The following NTM variants were observed in gnomAD, a reference collection of about 807,000 sequenced individuals.
NTM encodes the protein neurotrimin, also known as IgLON family member 2.
In NTM, 13 loss-of-function variants were observed where a neutral mutation model predicts 42.1. The ratio of observed to expected loss-of-function variants is 0.31; its 90% confidence interval spans 0.20 to 0.49. The LOEUF is 0.49. Ranked by LOEUF, NTM falls within the 20% of genes least tolerant of loss-of-function variation. The pLI, the probability that NTM is intolerant of heterozygous loss-of-function variation, is 0.99. For synonymous variants in NTM, 187 were observed against 179.2 expected, an observed-to-expected ratio of 1.04 and a Z score of -0.35; for missense variants, 373 against 452.8, an observed-to-expected ratio of 0.82 and a Z score of 1.60.
chr11:132,185,313 G>T (rs2078232072), intron 3 of NTM, among the ~76,000 whole-genome samples: 1 of 152,148 alleles, frequency 6.6e-6, no homozygotes, highest in South Asian at 2.1e-4. Context: ...ATTTTCTTGA[G>T]ATATCAAGGC....
chr11:131,535,363 C>T (rs2052012588), intron 1 of NTM: 1 of 152,144 alleles, frequency 6.6e-6, no homozygotes, highest in East Asian at 1.9e-4. Flanking sequence ...AAATGTCACA[C>T]TATACTCTGG....
chr11:131,690,437 T>C (rs1465173494), intron 1 of NTM, among the ~76,000 whole-genome samples: 3 of 151,846 alleles, frequency 2.0e-5, no homozygotes, highest in Non-Finnish European at 1.5e-5. Flanking sequence ...ACCTAGTCAG[T>C]TCCCGGGGAC....
At chr11:131,804,902 C>T (rs1297638507) in intron 1 of NTM, among the ~76,000 whole-genome samples, 2 of 152,118 alleles carry the variant, frequency 1.3e-5, no homozygotes, top group Non-Finnish European at 2.9e-5. Flanking sequence ...TTCTGACCTT[C>T]CTGCCATGGA....
At chr11:132,056,048 G>A (rs1020198628) in intron 2 of NTM, among the ~76,000 whole-genome samples, 5 of 152,224 alleles carry the variant, frequency 3.3e-5, no homozygotes, top group African/African-American at 1.2e-4. Flanking sequence ...TGAGGTGTGG[G>A]ACAGTGGGAA....
At chr11:131,504,102 C>A (rs2047183198) in intron 1 of NTM, among the ~76,000 whole-genome samples, 1 of 152,182 alleles carries the variant, frequency 6.6e-6, no homozygotes, top group Non-Finnish European at 1.5e-5. Context: ...CCTGGCCCCA[C>A]CAGCTTCCTC....
intron 1 of NTM, among the ~76,000 whole-genome samples, chr11:131,513,793 T>C (rs1206139477): frequency 6.6e-6 from 1 of 152,214 alleles, no homozygotes; most frequent in Non-Finnish European, 1.5e-5. Context: ...TAAAGGTCCC[T>C]GGCAGACTGA....
At chr11:131,966,394 C>A (rs776775050) in intron 2 of NTM, among the ~76,000 whole-genome samples, 1 of 152,060 alleles carries the variant, frequency 6.6e-6, no homozygotes, top group Non-Finnish European at 1.5e-5. Flanking sequence ...AAACATAATA[C>A]ATGAATAAAG....
chr11:131,385,779 A>G (rs1422274096), intron 1 of NTM, among the ~76,000 whole-genome samples: 1 of 152,146 alleles, frequency 6.6e-6, no homozygotes, highest in Non-Finnish European at 1.5e-5. Context: ...ATTGCCTTGA[A>G]CCCAAAAATT....
chr11:132,150,544 G>A (rs140267150), intron 3 of NTM, among the ~76,000 whole-genome samples: 225 of 152,268 alleles, frequency 1.5e-3, no homozygotes, highest in Admixed American at 4.8e-3. Flanking sequence ...AAGGAGAGTG[G>A]AATTTTGGAA....
intron 1 of NTM, among the ~76,000 whole-genome samples, chr11:131,506,829 G>C (rs2047549288): frequency 6.6e-6 from 1 of 152,166 alleles, no homozygotes; most frequent in South Asian, 2.1e-4. Context: ...ACCAAAAGCA[G>C]GTACCTCTGT....
intron 1 of NTM, among the ~76,000 whole-genome samples, chr11:131,766,622 C>T (rs1407223945): frequency 6.6e-6 from 1 of 152,088 alleles, no homozygotes; most frequent in South Asian, 2.1e-4. Context: ...TTATCAACCG[C>T]AGAACTCAGA....
At chr11:131,834,910 G>T (rs577491041) in intron 1 of NTM, among the ~76,000 whole-genome samples, 1 of 151,710 alleles carries the variant, frequency 6.6e-6, no homozygotes, top group South Asian at 2.1e-4. Flanking sequence ...GTTCATTATG[G>T]TCAGGGGTCA....
chr11:131,454,721 G>A (rs969139843), intron 1 of NTM, among the ~76,000 whole-genome samples: 4 of 145,156 alleles, frequency 2.8e-5, no homozygotes, highest in Non-Finnish European at 6.3e-5. Flanking sequence ...GGGAGCAGTG[G>A]AGAAAGGGGC....
chr11:131,738,759 C>A (rs1260955125), intron 1 of NTM, among the ~76,000 whole-genome samples: 2 of 152,068 alleles, frequency 1.3e-5, no homozygotes, highest in African/African-American at 4.8e-5. Context: ...TTGACATCTA[C>A]AAGGTGAATG....
chr11:132,256,487 C>T (rs2092479660), intron 4 of NTM, among the ~76,000 whole-genome samples: 1 of 152,322 alleles, frequency 6.6e-6, no homozygotes, highest in Middle Eastern at 3.4e-3. Flanking sequence ...CAGCCACCTT[C>T]CACCTTTGAG....
intron 3 of NTM, among the ~76,000 whole-genome samples, chr11:132,156,734 A>G (rs1362653619): frequency 6.6e-6 from 1 of 152,214 alleles, no homozygotes; most frequent in African/African-American, 2.4e-5. Flanking sequence ...ATGTCCAAAC[A>G]AAGATCAGAT....
At chr11:131,531,051 C>A (rs1442933171) in intron 1 of NTM, among the ~76,000 whole-genome samples, 2 of 152,172 alleles carry the variant, frequency 1.3e-5, no homozygotes, top group African/African-American at 2.4e-5. Context: ...TTAAAGGGAA[C>A]CTGTTATTTC....
rs1214044497 is a variant in NTM at position 131,973,300 on chromosome 11, G to A, written c.167+61652G>A. 2.0e-5 allele frequency among the ~76,000 whole-genome samples: 3 copies of A among 152,202 alleles called. No individual in the cohort carries two copies. The East Asian group carries it at 5.8e-4, about 29-fold the overall frequency. On this transcript the variant is annotated intron_variant, in intron 2 of 8. Coordinates refer to ENST00000683400, the MANE Select transcript of NTM (RefSeq NM_001352005.2). ...CACAAGATTCTGCAGCGGTAACTCA[G>A]GACTTTTGGGAATTTCAAAGCCTAG...
chr11:131,803,555 C>T (rs2092302185), intron 1 of NTM, among the ~76,000 whole-genome samples: 1 of 152,182 alleles, frequency 6.6e-6, no homozygotes, highest in Admixed American at 6.5e-5. Context: ...AGCAATCCGC[C>T]CACGTTGGCC....
Sources: gnomAD v4.1 joint callset for allele counts (sites outside exome capture counted in the v4.1 genomes callset) on GRCh38, gnomAD v4.1.1 for gene constraint, MANE v1.5 for transcripts, NCBI Gene and HGNC (gene_info 2026-07-23, HGNC 2026-07-21) for gene names.